The following SWT1 variants were observed in gnomAD, a reference collection of about 807,000 sequenced individuals.
SWT1 encodes SWT1 RNA endoribonuclease homolog.
Under a neutral mutation model 107.3 loss-of-function variants are expected in SWT1, and 33 were observed. The observed-to-expected ratio is 0.31, with a 90% CI of 0.23 to 0.41. SWT1 has a LOEUF of 0.41. Among genes scored for constraint, SWT1 ranks in the 10% least tolerant of loss-of-function variants. The pLI is 1.00. For synonymous variants in SWT1, 345 were observed against 348.3 expected (o/e 0.99, Z 0.11); for missense variants, 898 against 1,028.9 (o/e 0.87, Z 1.74).
chr1:185,192,355 C>G (rs1055640056), intron 10 of SWT1, among the ~76,000 whole-genome samples: 1 of 152,106 alleles, frequency 6.6e-6, no homozygotes, highest in Admixed American at 6.5e-5. Flanking sequence ...CACCTCCTAC[C>G]CATTTGCTAA....
chr1:185,157,916 C>T (rs1653765803), intron 1 of SWT1, among the ~76,000 whole-genome samples: 2 of 152,146 alleles, frequency 1.3e-5, no homozygotes, highest in African/African-American at 4.8e-5. Flanking sequence ...ACTCTTAGTG[C>T]CTACTTGACA....
intron 16 of SWT1, among the ~76,000 whole-genome samples, chr1:185,247,588 T>A (rs1442835158): frequency 6.6e-6 from 1 of 152,246 alleles, no homozygotes; most frequent in Non-Finnish European, 1.5e-5. Context: ...GAAATTTTGT[T>A]GTACTGAAAC....
chr1:185,215,198 T>C (rs1354942175), intron 14 of SWT1, among the ~76,000 whole-genome samples: 2 of 152,194 alleles, frequency 1.3e-5, no homozygotes, highest in African/African-American at 4.8e-5. Flanking sequence ...TCACATTTGC[T>C]TTATTGTTTT....
rs368927757 is a variant in SWT1, at chr1:185,273,043, A to G, written c.2508+1654A>G. ...GCAAGACCCTGTCTCAAAAAAAAAA[A>G]GGGGGAGGGGATGGTTAACTAGTTT... On this transcript the variant is annotated intron_variant, in intron 17 of 18. Coordinates refer to ENST00000367500, the MANE Select transcript of SWT1 (RefSeq NM_017673.7). Among the ~76,000 whole-genome samples the G allele has an allele frequency of 1.9e-3, 288 of 151,076 alleles. 1 individual carries two copies. Among genetic ancestry groups the G allele is most frequent in the South Asian group, 0.016 (75 of 4,792 alleles).
rs78337204 is a variant in SWT1 at position 185,208,248 on chromosome 1, A to G, written c.1972+1485A>G. Among the ~76,000 whole-genome samples the G allele has an allele frequency of 1.4e-3, 206 of 152,344 alleles. No individual in the cohort carries two copies. In the Middle Eastern group the frequency reaches 0.014, roughly 10 times the overall value. On this transcript the variant is annotated intron_variant, in intron 13 of 18. Transcript: ENST00000367500. The stretch of plus-strand genomic sequence containing the variant: ...AAAAAGGAAAAAAATTGCATATTCT[A>G]TGATAGGTGTACCTTATTCTCTGTC...
At position 185,182,061 on chromosome 1, in the gene SWT1, T is replaced by A; in HGVS notation, c.1138+4T>A. Reference sequence around the variant, plus strand: ...GATGATGTACATTCCTCCTCTGGTATACCCTATATGTTGATGTGTATGCTC... The same window carrying A: ...GATGATGTACATTCCTCCTCTGGTAAACCCTATATGTTGATGTGTATGCTC... On this transcript the variant is annotated splice_donor_region_variant and intron_variant, in intron 7 of 18. Coordinates refer to ENST00000367500, the MANE Select transcript of SWT1 (RefSeq NM_017673.7). 6.2e-7 allele frequency: 1 copy of A among 1,613,716 alleles called. No homozygotes were observed.
chr1:185,176,107 T>C (rs1655526110), intron 5 of SWT1, among the ~76,000 whole-genome samples: 1 of 151,784 alleles, frequency 6.6e-6, no homozygotes, highest in Non-Finnish European at 1.5e-5. Flanking sequence ...CTGGGCAACA[T>C]ACCGAGACGG....
At chr1:185,185,217 A>G (rs74376801) in intron 9 of SWT1, among the ~76,000 whole-genome samples, 5,410 of 152,254 alleles carry the variant, frequency 0.036, 307 homozygotes, top group African/African-American at 0.12. Flanking sequence ...TTTTAAAAAT[A>G]CCATTGCTGA....
At chr1:185,166,689 T>C (rs1192733451) in intron 3 of SWT1, 37 bp downstream of exon 3, 1 of 1,317,898 alleles carries the variant, frequency 7.6e-7, no homozygotes, top group Non-Finnish European at 1.1e-6. Context: ...AAGTTATTTA[T>C]GCTAAAGTTT....
At chr1:185,181,445 G>A (rs140961717) in intron 6 of SWT1, among the ~76,000 whole-genome samples, 2 of 152,294 alleles carry the variant, frequency 1.3e-5, no homozygotes, top group African/African-American at 2.4e-5. Context: ...TTTCTGTGAA[G>A]TGAGAATGGT....
intron 13 of SWT1, 54 bp downstream of exon 13, chr1:185,206,817 G>A: frequency 2.4e-6 from 3 of 1,240,162 alleles, no homozygotes; most frequent in East Asian, 2.6e-5. Flanking sequence ...CAGACTAGCA[G>A]ATATATTTCC....
chr1:185,170,657 CAG>C (rs1654970149), intron 4 of SWT1, among the ~76,000 whole-genome samples: 1 of 152,186 alleles, frequency 6.6e-6, no homozygotes, highest in African/African-American at 2.4e-5. Context: ...CCTGTAGAAA[CAG>C]ATTATGTATA....
intron 15 of SWT1, among the ~76,000 whole-genome samples, chr1:185,230,851 G>T (rs907588707): frequency 1.3e-5 from 2 of 151,970 alleles, no homozygotes; most frequent in Admixed American, 1.3e-4. Flanking sequence ...GGGTTCAAGC[G>T]ATCCTCCCAC....
chr1:185,218,893 A>G (rs1019978480), intron 14 of SWT1, among the ~76,000 whole-genome samples: 4 of 152,204 alleles, frequency 2.6e-5, no homozygotes, highest in South Asian at 4.1e-4. Context: ...TGAATTAACA[A>G]GTTAATATTT....
Position 185,218,550 on chromosome 1 carries a change from A to G in SWT1, c.2122-3299A>G, listed in dbSNP as rs187658513. Among the ~76,000 whole-genome samples, 434 of 152,060 alleles carry G rather than the reference A, an allele frequency of 2.9e-3. 2 individuals are homozygous for G. The highest frequency in any genetic ancestry group is 2.4e-3 in the Non-Finnish European group (163 of 67,978). On this transcript the variant is annotated intron_variant, in intron 14 of 18. Transcript: ENST00000367500. ...GGTCTTGAACTCCTGGCCTCAAGCA[A>G]TCCTCCCGCCACAGCCTCCTAAAGT...
At chr1:185,235,066 A>G (rs1660768554) in intron 16 of SWT1, among the ~76,000 whole-genome samples, 1 of 152,218 alleles carries the variant, frequency 6.6e-6, no homozygotes, top group African/African-American at 2.4e-5. Flanking sequence ...TGAGGCAGCA[A>G]TTAATAGCCT....
chr1:185,265,339 C>T (rs917935096), intron 16 of SWT1, among the ~76,000 whole-genome samples: 2 of 152,058 alleles, frequency 1.3e-5, no homozygotes, highest in Non-Finnish European at 2.9e-5. Context: ...ATTTGCATAG[C>T]TGATTTTCCA....
chr1:185,222,142 T>C, intron 15 of SWT1, 106 bp downstream of exon 15: 1 of 642,702 alleles, frequency 1.6e-6, no homozygotes, highest in Non-Finnish European at 2.4e-6. Flanking sequence ...TTTCAATAGA[T>C]ATATGTGATA....
In SWT1 at chr1:185,174,464, A is replaced by G. The variant is rs760742951; in HGVS notation, c.317A>G (p.Asn106Ser). The change falls in exon 5 of 19, where the codon AAT becomes AGT. Residue 106 changes from asparagine to serine, a missense_variant. Coordinates refer to ENST00000367500, the MANE Select transcript of SWT1 (RefSeq NM_017673.7). ...PIKLKEASYS[N>S]DNQIILQSPS... ...AAACTCAAAGAAGCATCATATTCAAATGATAATCAAATTATTTTGCAGAGT... is the reference window on the plus strand; with the variant it reads ...AAACTCAAAGAAGCATCATATTCAAGTGATAATCAAATTATTTTGCAGAGT... The G allele has an allele frequency of 6.2e-7, 1 of 1,610,332 alleles. No homozygotes were observed. The highest frequency in any genetic ancestry group is 8.5e-7 in the Non-Finnish European group (1 of 1,179,020).
Sources: allele counts gnomAD v4.1 joint callset (sites outside exome capture counted in the v4.1 genomes callset), GRCh38; gene constraint gnomAD v4.1.1; transcripts MANE v1.5; gene names NCBI Gene and HGNC (gene_info 2026-07-23, HGNC 2026-07-21).